The following SIPA1L1 variants were observed in gnomAD, a reference collection of about 807,000 sequenced individuals.
SIPA1L1 encodes signal induced proliferation associated 1 like 1.
Under a neutral mutation model 162.7 loss-of-function variants are expected in SIPA1L1, and 26 were observed. The observed-to-expected ratio is 0.16, with a 90% CI of 0.12 to 0.22. The LOEUF is 0.22. SIPA1L1 is among the 10% of genes least tolerant of loss of function. SIPA1L1 has a pLI of 1.00. For synonymous variants in SIPA1L1, 829 were observed against 837.4 expected (o/e 0.99, Z 0.17); for missense variants, 1,874 against 2,241.0 (o/e 0.84, Z 3.31).
intron 2 of SIPA1L1, among the ~76,000 whole-genome samples, chr14:71,384,448 G>A (rs1227721192): frequency 6.6e-6 from 1 of 152,170 alleles, no homozygotes; most frequent in East Asian, 1.9e-4. Flanking sequence ...CATGAGTGGT[G>A]CACGGGAATG....
At chr14:71,724,940 C>T in intron 19 of SIPA1L1, 105 bp downstream of exon 19, 2 of 992,704 alleles carry the variant, frequency 2.0e-6, no homozygotes, top group Non-Finnish European at 3.0e-6. Context: ...ACTGGCTGCT[C>T]TTCACTAAGT....
chr14:71,685,829 C>G (rs906413622), intron 13 of SIPA1L1, among the ~76,000 whole-genome samples, 198 bp downstream of exon 13: 1 of 152,180 alleles, frequency 6.6e-6, no homozygotes, highest in African/African-American at 2.4e-5. Context: ...TCTAGCAAAG[C>G]CTTCAGCTCT....
intron 2 of SIPA1L1, among the ~76,000 whole-genome samples, chr14:71,391,273 T>G (rs1595180915): frequency 6.6e-6 from 1 of 151,902 alleles, no homozygotes; most frequent in Non-Finnish European, 1.5e-5. Flanking sequence ...GCCCGGCTAA[T>G]TTTTTGTATT....
At chr14:71,661,104 T>C (rs771591894) in intron 9 of SIPA1L1, among the ~76,000 whole-genome samples, 2 of 152,080 alleles carry the variant, frequency 1.3e-5, no homozygotes, top group Non-Finnish European at 2.9e-5. Context: ...GCTGTATCTT[T>C]TATGCAAATT....
intron 19 of SIPA1L1, among the ~76,000 whole-genome samples, chr14:71,725,137 C>T (rs574631455): frequency 2.0e-5 from 3 of 152,328 alleles, no homozygotes; most frequent in South Asian, 4.1e-4. Flanking sequence ...GGTGATATGA[C>T]TTCTTGGAAA....
At chr14:71,381,011 A>G (rs552500665) in intron 2 of SIPA1L1, among the ~76,000 whole-genome samples, 180 of 152,328 alleles carry the variant, frequency 1.2e-3, no homozygotes, top group African/African-American at 4.1e-3. Context: ...CCCATAGTGC[A>G]ATTGGCATTT....
At chr14:71,603,543 T>G (rs971772335) in intron 5 of SIPA1L1, among the ~76,000 whole-genome samples, 32 of 152,174 alleles carry the variant, frequency 2.1e-4, no homozygotes, top group Non-Finnish European at 4.7e-4. Flanking sequence ...ACTGCAGCCT[T>G]GAACTCCCAG....
At chr14:71,361,254 A>G (rs182036296) in intron 2 of SIPA1L1, among the ~76,000 whole-genome samples, 1 of 152,160 alleles carries the variant, frequency 6.6e-6, no homozygotes, top group Non-Finnish European at 1.5e-5. Context: ...CAGGTGTACT[A>G]TTAGGAGCAC....
intron 2 of SIPA1L1, among the ~76,000 whole-genome samples, chr14:71,348,908 C>T (rs1251298095): frequency 6.6e-6 from 1 of 152,198 alleles, no homozygotes; most frequent in Admixed American, 6.5e-5. Context: ...ACTGAAAACT[C>T]TACCATTAAT....
intron 4 of SIPA1L1, 36 bp downstream of exon 4, chr14:71,529,406 C>T: frequency 1.7e-6 from 1 of 589,014 alleles, no homozygotes; most frequent in South Asian, 2.1e-5. Context: ...GACCTACCTG[C>T]TTTACAAAGT....
rs532682567 is a variant in SIPA1L1, at chr14:71,607,997, T to G, written c.1499-10760T>G. ...CCTCATTATATCTTCAGTGAGACCC[T>G]CATTCTGAGCCCTGAAATTAGGTGC... On this transcript the variant is annotated intron_variant, in intron 5 of 23. Coordinates refer to ENST00000381232, the MANE Select transcript of SIPA1L1 (RefSeq NM_001386936.1). Among the ~76,000 whole-genome samples, 9 of 152,326 alleles carry G rather than the reference T, an allele frequency of 5.9e-5. No individual in the cohort carries two copies. In the East Asian group the frequency reaches 1.7e-3, roughly 29 times the overall value.
chr14:71,681,049 A>G (rs2045755914), intron 12 of SIPA1L1, among the ~76,000 whole-genome samples: 1 of 152,152 alleles, frequency 6.6e-6, no homozygotes, highest in South Asian at 2.1e-4. Flanking sequence ...CTTCCGTATC[A>G]GCAGCTTCAT....
intron 14 of SIPA1L1, among the ~76,000 whole-genome samples, chr14:71,700,107 C>T (rs997292732): frequency 5.9e-5 from 9 of 151,796 alleles, no homozygotes; most frequent in African/African-American, 2.2e-4. Flanking sequence ...ATTAAAAGTT[C>T]ATCAGATGAA....
intron 2 of SIPA1L1, among the ~76,000 whole-genome samples, chr14:71,386,286 C>A (rs1190332313): frequency 6.6e-6 from 1 of 152,192 alleles, no homozygotes; most frequent in East Asian, 1.9e-4. Context: ...CAGGAGACAT[C>A]CAGCACAGGA....
intron 12 of SIPA1L1, among the ~76,000 whole-genome samples, chr14:71,683,476 A>G (rs973259700): frequency 6.6e-6 from 1 of 152,156 alleles, no homozygotes; most frequent in African/African-American, 2.4e-5. Flanking sequence ...CCTTTGGTAA[A>G]ATGTAATATT....
At chr14:71,581,418 T>C (rs542547811) in intron 4 of SIPA1L1, among the ~76,000 whole-genome samples, 33 of 152,318 alleles carry the variant, frequency 2.2e-4, no homozygotes, top group Non-Finnish European at 4.1e-4. Context: ...TATTTAATTA[T>C]AGAATGCTTT....
chr14:71,578,878 G>A (rs930625182), intron 4 of SIPA1L1, among the ~76,000 whole-genome samples: 3 of 152,124 alleles, frequency 2.0e-5, no homozygotes, highest in African/African-American at 7.2e-5. Context: ...TGGGGTTAAC[G>A]TATTTTACTA....
At chr14:71,456,764 C>T (rs984754485) in intron 2 of SIPA1L1, among the ~76,000 whole-genome samples, 8 of 152,042 alleles carry the variant, frequency 5.3e-5, no homozygotes, top group Non-Finnish European at 8.8e-5. Context: ...TCCTGGTGGA[C>T]GAATCCAGTT....
intron 2 of SIPA1L1, among the ~76,000 whole-genome samples, chr14:71,399,825 A>G (rs2041522555): frequency 6.6e-6 from 1 of 151,572 alleles, no homozygotes; most frequent in Non-Finnish European, 1.5e-5. Context: ...GGTTCAAGCG[A>G]TTCTCCTGCC....
Sources: gnomAD v4.1 joint callset for allele counts (sites outside exome capture counted in the v4.1 genomes callset) on GRCh38, gnomAD v4.1.1 for gene constraint, MANE v1.5 for transcripts, NCBI Gene and HGNC (gene_info 2026-07-23, HGNC 2026-07-21) for gene names.